The following MARCHF6 variants were observed in gnomAD, a reference collection of about 807,000 sequenced individuals.
The protein encoded by MARCHF6 is E3 ubiquitin-protein ligase MARCHF6.
A neutral mutation model predicts 133.7 loss-of-function variants in MARCHF6; 31 were observed. The ratio of observed to expected loss-of-function variants is 0.23; its 90% CI spans 0.17 to 0.31. The LOEUF (loss-of-function observed/expected upper bound fraction) is 0.31. MARCHF6 is among the 10% of genes least tolerant of loss of function. The pLI is 1.00. For missense variants in MARCHF6, 723 were observed against 1,121.6 expected (o/e 0.64, Z 5.08); for synonymous variants, 395 against 402.5 (o/e 0.98, Z 0.22).
intron 3 of MARCHF6, 110 bp from the exon 4 acceptor site, chr5:10,381,690 A>G: frequency 1.2e-6 from 1 of 828,150 alleles, no homozygotes; most frequent in South Asian, 2.1e-5. Flanking sequence ...TAGGAAAAAA[A>G]TTAAGCACAA....
At position 10,362,809 on chromosome 5, in the gene MARCHF6, TAAA is replaced by T. The variant is rs540285755; in HGVS notation, c.19+8896_19+8898del. ...GTATCTGAAAACATGGCAGTCACCT[TAAA>T]AAATTAAATTAACTGTTAAATTAAA... is the stretch of plus-strand genomic sequence containing the variant. On this transcript the variant is annotated intron_variant, in intron 1 of 25. Transcript: ENST00000274140. 2.8e-3 allele frequency among the ~76,000 whole-genome samples: 431 copies of T among 152,310 alleles called. 2 individuals are homozygous for T. Among genetic ancestry groups the T allele is most frequent in the Admixed American group, 0.011 (161 of 15,290 alleles).
In MARCHF6 at chr5:10,361,560, G is replaced by A. The variant is rs182953783; in HGVS notation, c.19+7643G>A. 2.2e-4 allele frequency among the ~76,000 whole-genome samples: 34 copies of A among 152,080 alleles called. No homozygotes were observed. In the East Asian group the frequency reaches 4.8e-3, roughly 22 times the overall value. On this transcript the variant is annotated intron_variant, in intron 1 of 25. Coordinates refer to ENST00000274140, the MANE Select transcript of MARCHF6 (RefSeq NM_005885.4). ...ATATTGGATTAGGGCCTACTCTAAG[G>A]ACCTCATTTTAACTTAATTACCTCT...
chr5:10,374,474 G>A (rs960036155), intron 1 of MARCHF6, among the ~76,000 whole-genome samples: 3 of 152,118 alleles, frequency 2.0e-5, no homozygotes, highest in African/African-American at 4.8e-5. Context: ...TCAAAGTAGC[G>A]TGGGCTGCCT....
chr5:10,373,795 A>C (rs964171067), intron 1 of MARCHF6, among the ~76,000 whole-genome samples: 1 of 151,616 alleles, frequency 6.6e-6, no homozygotes, highest in African/African-American at 2.4e-5. Flanking sequence ...ACTTGCACCC[A>C]CCCTCCCTGG....
At chr5:10,399,921 G>T (rs1283479447) in intron 10 of MARCHF6, among the ~76,000 whole-genome samples, 1 of 152,084 alleles carries the variant, frequency 6.6e-6, no homozygotes, top group African/African-American at 2.4e-5. Flanking sequence ...CTGCTTCCTG[G>T]ATGTCCTCTG....
At chr5:10,371,007 G>T (rs1467381170) in intron 1 of MARCHF6, among the ~76,000 whole-genome samples, 1 of 152,190 alleles carries the variant, frequency 6.6e-6, no homozygotes, top group Non-Finnish European at 1.5e-5. Context: ...TTGTGGGGAA[G>T]AAGCATGATA....
intron 9 of MARCHF6, among the ~76,000 whole-genome samples, chr5:10,396,281 A>C (rs969185788): frequency 6.6e-6 from 1 of 152,178 alleles, no homozygotes; most frequent in Admixed American, 6.5e-5. Context: ...AAAAGTGTGC[A>C]TAGGACACAA....
chr5:10,403,704 T>C (rs1738691506), intron 15 of MARCHF6, among the ~76,000 whole-genome samples, 163 bp downstream of exon 15: 3 of 152,258 alleles, frequency 2.0e-5, no homozygotes, highest in South Asian at 2.1e-4. Context: ...ACTTAATTAC[T>C]TTAAACTGTT....
intron 22 of MARCHF6, 148 bp downstream of exon 22, chr5:10,417,552 C>G: frequency 1.0e-6 from 1 of 968,974 alleles, no homozygotes; most frequent in Non-Finnish European, 1.6e-6. Flanking sequence ...TCGAGACCAG[C>G]CTGGGCAGCA....
chr5:10,379,011 T>C (rs1736963142), intron 3 of MARCHF6, among the ~76,000 whole-genome samples, 179 bp downstream of exon 3: 3 of 152,190 alleles, frequency 2.0e-5, no homozygotes, highest in Non-Finnish European at 4.4e-5. Flanking sequence ...AGGAAAATAT[T>C]TTGAAAAACT....
chr5:10,381,723 A>T, intron 3 of MARCHF6, 77 bp from the exon 4 acceptor site: 1 of 1,123,884 alleles, frequency 8.9e-7, no homozygotes, highest in Non-Finnish European at 1.3e-6. Flanking sequence ...AAGTTTAGTT[A>T]ATGTCTATTT....
intron 1 of MARCHF6, among the ~76,000 whole-genome samples, chr5:10,365,334 C>G (rs1487477218): frequency 6.6e-6 from 1 of 152,092 alleles, no homozygotes; most frequent in Admixed American, 6.5e-5. Flanking sequence ...GAGTTTCGCT[C>G]TTGTTGCCCA....
chr5:10,380,732 C>T (rs1054703199), intron 3 of MARCHF6, among the ~76,000 whole-genome samples: 1 of 152,034 alleles, frequency 6.6e-6, no homozygotes. Context: ...TTGAGGCTAG[C>T]CTGGCCAACA....
rs1740701378 is a variant in MARCHF6, at chr5:10,437,560, A to G, written c.*3876A>G. 2.6e-5 allele frequency: 4 copies of G among 152,262 alleles called. No homozygotes were observed. Among genetic ancestry groups the G allele is most frequent in the African/African-American group, 7.2e-5 (3 of 41,474 alleles). 9.4% of individuals were successfully genotyped at this position (152,262 alleles called of 1,614,324 possible). A position where few individuals can be genotyped will look rare whatever the true frequency, so the allele number is the denominator to read the frequency against. On this transcript the variant is annotated 3_prime_UTR_variant, in exon 26 of 26. Transcript: ENST00000274140. Reference sequence around the variant, plus strand: ...TAATACGACATAAAGACAAGACAGTATATGTATGTTTTCATTCCTGTTTTG... The same window carrying G: ...TAATACGACATAAAGACAAGACAGTGTATGTATGTTTTCATTCCTGTTTTG...
intron 10 of MARCHF6, among the ~76,000 whole-genome samples, chr5:10,399,297 A>G: frequency 6.6e-6 from 1 of 152,070 alleles, no homozygotes; most frequent in African/African-American, 2.4e-5. Context: ...ATATGTTAGT[A>G]AACTAATACG....
At position 10,414,457 on chromosome 5, in the gene MARCHF6, T is replaced by G; in HGVS notation, c.1921T>G (p.Cys641Gly). 6.2e-7 allele frequency: 1 copy of G among 1,613,402 alleles called. No individual in the cohort carries two copies. The highest frequency in any genetic ancestry group is 8.5e-7 in the Non-Finnish European group (1 of 1,179,478). Residue 641 changes from cysteine to glycine, a missense_variant, in exon 20 of 26, where the codon TGT (cysteine) becomes GGT (glycine). This residue lies in a region of MARCHF6 where 492 missense variants were observed against 699.5 expected (regional missense o/e 0.70). Transcript: ENST00000274140. Reference protein sequence around the residue: ...LRIFLLIVFMCITLLIASLIC... With the variant: ...LRIFLLIVFMGITLLIASLIC... The stretch of plus-strand genomic sequence containing the variant: ...GATATTTCTGTTGATTGTCTTCATG[T>G]GTATAACATTACTGATTGCCAGCCT...
chr5:10,428,480 T>G (rs1464143801), intron 24 of MARCHF6, among the ~76,000 whole-genome samples: 1 of 151,982 alleles, frequency 6.6e-6, no homozygotes, highest in African/African-American at 2.4e-5. Context: ...TAGCTGGGAC[T>G]ACTGGCATGC....
chr5:10,393,482 C>T (rs1451553027), intron 7 of MARCHF6, among the ~76,000 whole-genome samples: 5 of 152,164 alleles, frequency 3.3e-5, no homozygotes, highest in Non-Finnish European at 7.4e-5. Context: ...AACAGGGGGC[C>T]TTTGCAGGGG....
intron 7 of MARCHF6, among the ~76,000 whole-genome samples, chr5:10,392,433 T>C (rs1301600379): frequency 2.0e-5 from 3 of 152,250 alleles, no homozygotes; most frequent in Non-Finnish European, 4.4e-5. Context: ...TTGAAGTTTA[T>C]ACTGCAGACA....
Sources: gnomAD v4.1 joint callset for allele counts (sites outside exome capture counted in the v4.1 genomes callset) on GRCh38, gnomAD v4.1.1 for gene constraint, gnomAD v4.1.1 regional missense constraint, MANE v1.5 for transcripts, NCBI Gene and HGNC (gene_info 2026-07-23, HGNC 2026-07-21) for gene names.